SCN2A: variants seen among roughly 807,000 people sequenced by gnomAD.
The protein encoded by SCN2A is sodium voltage-gated channel alpha subunit 2.
Under a neutral mutation model 188.7 loss-of-function variants are expected in SCN2A, and 20 were observed. The observed-to-expected ratio is 0.11, with a 90% confidence interval of 0.07 to 0.15. SCN2A has a LOEUF of 0.15. SCN2A is among the 10% of genes least tolerant of loss of function. SCN2A has a pLI of 1.00. For missense variants in SCN2A, 1,278 were observed against 2,445.0 expected (o/e 0.52, Z 10.07); for synonymous variants, 804 against 833.1 (o/e 0.97, Z 0.60).
chr2:165,368,290 T>C (rs990403838), intron 19 of SCN2A, among the ~76,000 whole-genome samples: 1 of 152,190 alleles, frequency 6.6e-6, no homozygotes, highest in Non-Finnish European at 1.5e-5. Flanking sequence ...GATGTCCAGC[T>C]GTTCCTCCTG....
At chr2:165,356,380 A>G (rs1700182599) in intron 17 of SCN2A, among the ~76,000 whole-genome samples, 1 of 152,206 alleles carries the variant, frequency 6.6e-6, no homozygotes, top group Non-Finnish European at 1.5e-5. Flanking sequence ...TGTTGTTACA[A>G]TAGTTGGGTT....
intron 1 of SCN2A, among the ~76,000 whole-genome samples, chr2:165,278,775 T>C (rs569436663): frequency 8.5e-5 from 13 of 152,056 alleles, no homozygotes; most frequent in Middle Eastern, 3.4e-3. Flanking sequence ...TACAAAATGT[T>C]AGAAAATTAG....
At chr2:165,308,370 T>C (rs559833237) in intron 4 of SCN2A, among the ~76,000 whole-genome samples, 1 of 152,118 alleles carries the variant, frequency 6.6e-6, no homozygotes, top group Non-Finnish European at 1.5e-5. Flanking sequence ...ACCTATTTGC[T>C]CAAATCGGAC....
intron 22 of SCN2A, among the ~76,000 whole-genome samples, chr2:165,376,608 T>G (rs1701327151): frequency 6.6e-6 from 1 of 151,986 alleles, no homozygotes; most frequent in Non-Finnish European, 1.5e-5. Context: ...GCCAAGTCCT[T>G]TGTTACTGGG....
At chr2:165,278,914 A>G (rs1429044835) in intron 1 of SCN2A, among the ~76,000 whole-genome samples, 1 of 152,144 alleles carries the variant, frequency 6.6e-6, no homozygotes, top group Non-Finnish European at 1.5e-5. Context: ...TAGGCAACAG[A>G]GCAGAACCTT....
At chr2:165,383,211 G>T (rs1701694427) in intron 25 of SCN2A, among the ~76,000 whole-genome samples, 1 of 152,040 alleles carries the variant, frequency 6.6e-6, no homozygotes, top group Non-Finnish European at 1.5e-5. Context: ...AGAAAAAAAG[G>T]GATACTTTCA....
At chr2:165,258,982 G>T (rs1458013648) in intron 1 of SCN2A, among the ~76,000 whole-genome samples, 1 of 151,968 alleles carries the variant, frequency 6.6e-6, no homozygotes. Flanking sequence ...GTGCTTATTG[G>T]GTACTAAGCT....
chr2:165,376,002 C>G lies in SCN2A; in HGVS notation c.4254+1036C>G, dbSNP rs565761645. Among the ~76,000 whole-genome samples the G allele has an allele frequency of 2.6e-5, 4 of 151,896 alleles. No individual in the cohort carries two copies. The East Asian group carries it at 7.8e-4, about 29-fold the overall frequency. ...ACTTATATATGGAATCTAAAAAACA[C>G]AAACTCACAGAAACAGAAAGCAGAA... On this transcript the variant is annotated intron_variant, in intron 22 of 26. Transcript: ENST00000375437.
chr2:165,348,154 T>A (rs932399098), intron 16 of SCN2A, among the ~76,000 whole-genome samples: 2 of 152,090 alleles, frequency 1.3e-5, no homozygotes, highest in African/African-American at 4.8e-5. Context: ...AGGACAGTAG[T>A]TCGCGACCAG....
intron 3 of SCN2A, among the ~76,000 whole-genome samples, chr2:165,302,812 A>C (rs894050470): frequency 6.6e-6 from 1 of 152,194 alleles, no homozygotes; most frequent in African/African-American, 2.4e-5. Flanking sequence ...TCCAGGCTCC[A>C]TGTCAAGGGC....
At chr2:165,339,006 G>A (rs1466408153) in intron 14 of SCN2A, among the ~76,000 whole-genome samples, 1 of 152,154 alleles carries the variant, frequency 6.6e-6, no homozygotes, top group Admixed American at 6.5e-5. Context: ...GATCACTTGA[G>A]GTCAGGAGTT....
chr2:165,325,637 T>C (rs1052120563), intron 12 of SCN2A, among the ~76,000 whole-genome samples: 1 of 152,260 alleles, frequency 6.6e-6, no homozygotes, highest in South Asian at 2.1e-4. Flanking sequence ...ATTTTTTTTT[T>C]CCTTAAAACT....
intron 6 of SCN2A, 105 bp downstream of exon 6, chr2:165,309,548 T>A: frequency 7.5e-7 from 1 of 1,339,282 alleles, no homozygotes; most frequent in South Asian, 1.2e-5. Context: ...CAAATAAATA[T>A]GTAAAAAAGC....
At chr2:165,307,758 A>G in intron 3 of SCN2A, 90 bp from the exon 4 acceptor site, 1 of 883,706 alleles carries the variant, frequency 1.1e-6, no homozygotes, top group Non-Finnish European at 1.9e-6. Flanking sequence ...AGTAAGCACT[A>G]AAGTTTTAAA....
chr2:165,346,011 T>G (rs1699565687), intron 16 of SCN2A, among the ~76,000 whole-genome samples: 2 of 152,328 alleles, frequency 1.3e-5, no homozygotes, highest in African/African-American at 4.8e-5. Flanking sequence ...GAAAATTCTT[T>G]TCTTTAATAA....
At position 165,367,379 on chromosome 2, in the gene SCN2A, A is replaced by G; in HGVS notation, c.3675+8A>G. ...CTGAGCAGTGGGGCTCTGGTAGGTG[A>G]TGCATGATCCACTCCTTCACCTTTC... On this transcript the variant is annotated splice_region_variant and intron_variant, in intron 19 of 26. Transcript: ENST00000375437. 6.2e-7 allele frequency: 1 copy of G among 1,614,072 alleles called. No individual in the cohort carries two copies. The highest frequency in any genetic ancestry group is 1.7e-5 in the Admixed American group (1 of 60,014).
chr2:165,297,573 T>A (rs1426192932), intron 3 of SCN2A, among the ~76,000 whole-genome samples: 2 of 152,238 alleles, frequency 1.3e-5, no homozygotes, highest in African/African-American at 4.8e-5. Context: ...TGGTCTGAAT[T>A]TTATGACTTT....
At position 165,367,391 on chromosome 2, in the gene SCN2A, C is replaced by T. The variant is rs1276852510; in HGVS notation, c.3675+20C>T. On this transcript the variant is annotated intron_variant, in intron 19 of 26. Coordinates refer to ENST00000375437, the MANE Select transcript of SCN2A (RefSeq NM_001040142.2). ...GCTCTGGTAGGTGATGCATGATCCA[C>T]TCCTTCACCTTTCATCTGAAATCTT... is the stretch of plus-strand genomic sequence containing the variant. 6.8e-6 allele frequency: 11 copies of T among 1,612,634 alleles called. No individual in the cohort carries two copies. Among genetic ancestry groups the T allele is most frequent in the South Asian group, 5.5e-5 (5 of 91,048 alleles).
rs913526005 is a variant in SCN2A at position 165,255,895 on chromosome 2, C to T, written c.-52+16255C>T. On this transcript the variant is annotated intron_variant, in intron 1 of 26. Transcript: ENST00000375437. Reference sequence around the variant, plus strand: ...AGATTTTTCTTCCCCGCCCACCCCCCTTGGAAACAAACCATTTTCCCCTAC... The same window carrying T: ...AGATTTTTCTTCCCCGCCCACCCCCTTTGGAAACAAACCATTTTCCCCTAC... Among the ~76,000 whole-genome samples, 42 of 151,396 alleles carry T rather than the reference C, an allele frequency of 2.8e-4. 1 individual carries two copies. The highest frequency in any genetic ancestry group is 1.0e-3 in the African/African-American group (42 of 41,136).
Sources: allele counts gnomAD v4.1 joint callset (sites outside exome capture counted in the v4.1 genomes callset), GRCh38; gene constraint gnomAD v4.1.1; transcripts MANE v1.5; gene names NCBI Gene and HGNC (gene_info 2026-07-23, HGNC 2026-07-21).